The following PRUNE2 variants were observed in gnomAD, a reference collection of about 807,000 sequenced individuals.
PRUNE2 encodes prune homolog 2 with BCH domain, also known as protein prune homolog 2.
Under a neutral mutation model 252.0 loss-of-function variants are expected in PRUNE2, and 164 were observed. The observed-to-expected ratio is 0.65, with a 90% CI of 0.57 to 0.74. The LOEUF is 0.74. Among genes scored for constraint, PRUNE2 ranks in the 30% least tolerant of loss-of-function variants. The pLI is 0.00. For synonymous variants in PRUNE2, 1,292 were observed against 1,350.2 expected, an observed-to-expected ratio of 0.96 and a Z score of 0.94; for missense variants, 3,495 against 3,711.0, an observed-to-expected ratio of 0.94 and a Z score of 1.51.
chr9:76,627,128 TCTCA>T (rs763881573), intron 16 of PRUNE2, among the ~76,000 whole-genome samples: 174 of 151,892 alleles, frequency 1.1e-3, no homozygotes, highest in Non-Finnish European at 2.3e-3. Context: ...TGAGACAGCG[TCTCA>T]CTCTGTCAAC....
intron 9 of PRUNE2, among the ~76,000 whole-genome samples, chr9:76,660,382 C>T (rs1440121474): frequency 2.6e-5 from 4 of 152,036 alleles, no homozygotes; most frequent in Non-Finnish European, 4.4e-5. Context: ...AGCTGTGGGC[C>T]GCTCATGTCT....
rs779442438 is a variant in PRUNE2 at position 76,624,446 on chromosome 9, TCTTA to T, written c.9188+2_9188+5del. 12 of 1,418,432 alleles carry T rather than the reference TCTTA, an allele frequency of 8.5e-6. No individual in the cohort carries two copies. The highest frequency in any genetic ancestry group is 1.0e-5 in the Non-Finnish European group (11 of 1,079,822). The allele number at this position is 1,418,432 out of a possible 1,614,324, so 87.9% of individuals were successfully genotyped here. A position where few individuals can be genotyped will look rare whatever the true frequency, so the allele number is the denominator to read the frequency against. ...TGCCAGCCGCTAAACGAAAACCAAG[TCTTA>T]CTTAGCTGCCTCTGATGCTTCCCTC... On this transcript the variant is annotated splice_donor_variant and splice_donor_5th_base_variant and intron_variant, in intron 17 of 18. Transcript: ENST00000376718. LOFTEE classifies it high-confidence loss of function.
At chr9:76,834,905 G>T (rs1418625243) in intron 4 of PRUNE2, among the ~76,000 whole-genome samples, 4 of 152,106 alleles carry the variant, frequency 2.6e-5, no homozygotes, top group Non-Finnish European at 4.4e-5. Context: ...ACACCTCTCA[G>T]CAAATTGAAA....
At chr9:76,881,889 G>A (rs887738682) in intron 1 of PRUNE2, among the ~76,000 whole-genome samples, 7 of 152,036 alleles carry the variant, frequency 4.6e-5, no homozygotes, top group African/African-American at 4.8e-5. Context: ...CCAAAGTGCT[G>A]GGATTACAGG....
intron 6 of PRUNE2, among the ~76,000 whole-genome samples, chr9:76,749,244 G>A (rs541451292): frequency 3.2e-4 from 48 of 152,244 alleles, no homozygotes; most frequent in African/African-American, 9.9e-4. Context: ...CTCAGATAAG[G>A]GCAAAACTGA....
chr9:76,805,419 A>C (rs2131626566), intron 6 of PRUNE2, among the ~76,000 whole-genome samples: 1 of 152,256 alleles, frequency 6.6e-6, no homozygotes, highest in East Asian at 1.9e-4. Flanking sequence ...TCAGGAGTTC[A>C]ACAGCAGCGT....
At chr9:76,809,772 T>A (rs1434066876) in intron 6 of PRUNE2, among the ~76,000 whole-genome samples, 2 of 152,176 alleles carry the variant, frequency 1.3e-5, no homozygotes, top group Admixed American at 1.3e-4. Context: ...TTGTAACCCA[T>A]AAATTCATAC....
chr9:76,726,014 G>T (rs1000701920), intron 6 of PRUNE2, among the ~76,000 whole-genome samples: 15 of 152,206 alleles, frequency 9.9e-5, no homozygotes, highest in African/African-American at 3.6e-4. Context: ...GGTTGCCAGG[G>T]ATATGCAGGT....
At chr9:76,616,566 A>G (rs1453219344) in intron 18 of PRUNE2, among the ~76,000 whole-genome samples, 1 of 152,222 alleles carries the variant, frequency 6.6e-6, no homozygotes, top group African/African-American at 2.4e-5. Flanking sequence ...CAGGATGCCC[A>G]TCTCGATTAT....
At chr9:76,875,406 C>T (rs920723255) in intron 1 of PRUNE2, among the ~76,000 whole-genome samples, 1 of 152,198 alleles carries the variant, frequency 6.6e-6, no homozygotes, top group African/African-American at 2.4e-5. Context: ...TGCTCTGTCG[C>T]CCAGGCTGGA....
intron 11 of PRUNE2, 95 bp downstream of exon 11, chr9:76,652,388 C>CA: frequency 1.2e-6 from 1 of 840,906 alleles, no homozygotes; most frequent in South Asian, 1.7e-5. Flanking sequence ...CTAGAAATCA[C>CA]AAAAAGGATC....
Position 76,613,425 on chromosome 9 carries a change from C to T in PRUNE2, c.*1145G>A, listed in dbSNP as rs1013422141. 3.3e-5 allele frequency: 5 copies of T among 152,172 alleles called. No homozygotes were observed. The highest frequency in any genetic ancestry group is 5.9e-5 in the Non-Finnish European group (4 of 68,042). 9.4% of individuals were successfully genotyped at this position (152,172 alleles called of 1,614,324 possible). A position where few individuals can be genotyped will look rare whatever the true frequency, so the allele number is the denominator to read the frequency against. On this transcript the variant is annotated 3_prime_UTR_variant, in exon 19 of 19. Transcript: ENST00000376718. ...TTTGTGTGGCTGTGTTTCAGTACCA[C>T]TTTATTTATCGGCACTAACATTTGA...
chr9:76,864,779 C>G (rs965666366), intron 1 of PRUNE2, among the ~76,000 whole-genome samples: 2 of 152,156 alleles, frequency 1.3e-5, no homozygotes, highest in African/African-American at 4.8e-5. Context: ...GATATTCAGT[C>G]TCATTAGTAG....
intron 6 of PRUNE2, chr9:76,786,853 T>C (rs2055037247): frequency 6.6e-6 from 1 of 152,242 alleles, no homozygotes; most frequent in East Asian, 1.9e-4. Flanking sequence ...CTGAACAGCA[T>C]GGTCCCCAAT....
chr9:76,752,349 G>C (rs983538105), intron 6 of PRUNE2, among the ~76,000 whole-genome samples: 23 of 152,120 alleles, frequency 1.5e-4, no homozygotes, highest in East Asian at 1.9e-4. Context: ...CACCTGCCTC[G>C]GCCTCCCAAA....
chr9:76,755,850 C>A (rs748620418), intron 6 of PRUNE2, among the ~76,000 whole-genome samples: 1 of 152,168 alleles, frequency 6.6e-6, no homozygotes, highest in South Asian at 2.1e-4. Context: ...CACAGGTGCA[C>A]GCCACCACGC....
At position 76,709,941 on chromosome 9, in the gene PRUNE2, A is replaced by G. The variant is rs1175552228; in HGVS notation, c.2333T>C (p.Met778Thr). 3 of 1,613,700 alleles carry G rather than the reference A, an allele frequency of 1.9e-6. No individual in the cohort carries two copies. Among genetic ancestry groups the G allele is most frequent in the Non-Finnish European group, 2.5e-6 (3 of 1,179,836 alleles). Reference sequence around the variant, plus strand: ...TGTAGGATTTCCCCAGGGCTCGGGCATGGCTGTGGGAGAGCGACCAGAATG... The same window carrying G: ...TGTAGGATTTCCCCAGGGCTCGGGCGTGGCTGTGGGAGAGCGACCAGAATG... ...LWHSGRSPTAMPEPWGNPTDD... is the reference protein window; with the variant it reads ...LWHSGRSPTATPEPWGNPTDD... Residue 778 changes from methionine to threonine, a missense_variant, in exon 8 of 19, where the codon ATG becomes ACG. Met to Thr is a moderately conservative substitution (Grantham distance 81). Transcript: ENST00000376718.
intron 9 of PRUNE2, among the ~76,000 whole-genome samples, chr9:76,700,925 C>A (rs780818518): frequency 6.6e-6 from 1 of 152,184 alleles, no homozygotes; most frequent in South Asian, 2.1e-4. Context: ...TAGTTAGTAC[C>A]CATTTTATAC....
At chr9:76,629,428 G>A (rs921111573) in intron 15 of PRUNE2, 138 bp from the exon 16 acceptor site, 21 of 534,988 alleles carry the variant, frequency 3.9e-5, no homozygotes, top group Non-Finnish European at 5.6e-5. Flanking sequence ...ATTATTTGAC[G>A]AGTTACAATG....
Sources: gnomAD v4.1 joint callset for allele counts (sites outside exome capture counted in the v4.1 genomes callset) on GRCh38, gnomAD v4.1.1 for gene constraint, MANE v1.5 for transcripts, NCBI Gene and HGNC (gene_info 2026-07-23, HGNC 2026-07-21) for gene names.